ADHFE1: variants seen among roughly 807,000 people sequenced by gnomAD.
ADHFE1 encodes hydroxyacid-oxoacid transhydrogenase, mitochondrial.
A neutral mutation model predicts 54.8 loss-of-function variants in ADHFE1; 37 were observed. That is an observed-to-expected ratio of 0.68 (90% confidence interval 0.52 to 0.89). The LOEUF (loss-of-function observed/expected upper bound fraction) is 0.89, where lower values mean the gene tolerates loss of function less well. Among genes scored for constraint, ADHFE1 ranks in the 40% least tolerant of loss-of-function variants. ADHFE1 has a pLI of 0.00. For synonymous variants in ADHFE1, 203 were observed against 229.3 expected, an observed-to-expected ratio of 0.89 and a Z score of 1.04; for missense variants, 601 against 591.2, an observed-to-expected ratio of 1.02 and a Z score of -0.17.
At chr8:66,455,855 G>T (rs919111454) in intron 10 of ADHFE1, among the ~76,000 whole-genome samples, 1 of 152,156 alleles carries the variant, frequency 6.6e-6, no homozygotes. Flanking sequence ...CAGGAGGATC[G>T]CTTAAGCCAG....
chr8:66,456,861 A>C lies in ADHFE1; in HGVS notation c.1031A>C (p.Lys344Thr). The change falls in exon 11 of 14, where the codon AAA becomes ACA. Residue 344 changes from lysine (K) to threonine (T), a missense_variant. By Grantham distance (78) the Lys-to-Thr change is moderately conservative. Transcript: ENST00000396623. ...YPISGLVKMY[K>T]AKDYNVDHPL... Reference sequence around the variant, plus strand: ...ATTTCAGGTTTAGTGAAGATGTATAAAGCAAAGGATTACAATGTGGATCAC... The same window carrying C: ...ATTTCAGGTTTAGTGAAGATGTATACAGCAAAGGATTACAATGTGGATCAC... The C allele has an allele frequency of 6.3e-7, 1 of 1,598,212 alleles. No individual in the cohort carries two copies. The highest frequency in any genetic ancestry group is 1.7e-4 in the Middle Eastern group (1 of 5,978).
At chr8:66,466,324 G>A (rs1334663637) in intron 13 of ADHFE1, among the ~76,000 whole-genome samples, 3 of 149,664 alleles carry the variant, frequency 2.0e-5, no homozygotes, top group Non-Finnish European at 3.0e-5. Flanking sequence ...GACCTCAAGT[G>A]ATCCGCCTGC....
chr8:66,464,640 A>G (rs565488511), intron 13 of ADHFE1, among the ~76,000 whole-genome samples: 108 of 152,042 alleles, frequency 7.1e-4, no homozygotes, highest in African/African-American at 2.6e-3. Flanking sequence ...ATTGTCCCTC[A>G]CCCCTCTCTC....
chr8:66,455,476 G>A (rs567002875), intron 10 of ADHFE1, among the ~76,000 whole-genome samples: 66 of 152,332 alleles, frequency 4.3e-4, no homozygotes, highest in Non-Finnish European at 7.9e-4. Context: ...GTGAGCGCAA[G>A]GAATGATCAG....
intron 1 of ADHFE1, among the ~76,000 whole-genome samples, chr8:66,438,042 A>G (rs2130346955): frequency 6.6e-6 from 1 of 152,298 alleles, no homozygotes; most frequent in African/African-American, 2.4e-5. Context: ...CCAGAGATGG[A>G]GTGAGTTGAG....
intron 4 of ADHFE1, 39 bp downstream of exon 4, chr8:66,444,459 G>A (rs1172661198): frequency 1.9e-6 from 3 of 1,610,822 alleles, no homozygotes. Context: ...TACTGTAAAT[G>A]TTACATATCT....
At chr8:66,456,038 G>A (rs945697545) in intron 10 of ADHFE1, among the ~76,000 whole-genome samples, 2 of 152,078 alleles carry the variant, frequency 1.3e-5, no homozygotes, top group African/African-American at 4.8e-5. Flanking sequence ...TAAGCGTGGT[G>A]GCTGGATCCT....
Position 66,448,927 on chromosome 8 carries a change from A to G in ADHFE1, c.691A>G (p.Met231Val), listed in dbSNP as rs766462372. 8 of 1,613,958 alleles carry G rather than the reference A, an allele frequency of 5.0e-6. No individual in the cohort carries two copies. The highest frequency in any genetic ancestry group is 6.8e-6 in the Non-Finnish European group (8 of 1,180,030). Residue 231 changes from methionine (M) to valine (V), a missense_variant, in exon 8 of 14, where the codon ATG (methionine) becomes GTG (valine). By Grantham distance (21) the Met-to-Val change is conservative. Coordinates refer to ENST00000396623, the MANE Select transcript of ADHFE1 (RefSeq NM_144650.3). ...GLIDPLHTLH[M>V]PARVVANSGF... is the part of the protein sequence containing the mutation. ...GATTGATCCTCTGCACACCCTCCAC[A>G]TGCCTGCCCGAGTGGTCGCCAACAG...
chr8:66,439,541 G>A lies in ADHFE1; in HGVS notation c.60-621G>A. ...CGGTGGCGACCTCGGAGCGCACCGG[G>A]TGTGCGCGCAGCTGGGGCCTCTGGG... is the stretch of plus-strand genomic sequence containing the variant. On this transcript the variant is annotated intron_variant, in intron 1 of 13. Transcript: ENST00000396623. The surrounding 1 kb of genome is among the most constrained non-coding windows in gnomAD (Gnocchi z 4.4). The A allele has an allele frequency of 2.0e-6, 2 of 985,734 alleles. No individual in the cohort carries two copies. The highest frequency in any genetic ancestry group is 2.4e-6 in the Non-Finnish European group (2 of 830,178). The allele number at this position is 985,734 out of a possible 1,614,324, so 61.1% of individuals were successfully genotyped here. A position where few individuals can be genotyped will look rare whatever the true frequency, so the allele number is the denominator to read the frequency against.
chr8:66,446,705 CACAT>C (rs1212927488), intron 6 of ADHFE1, among the ~76,000 whole-genome samples: 1 of 152,170 alleles, frequency 6.6e-6, no homozygotes, highest in Non-Finnish European at 1.5e-5. Context: ...TTAATGCAGA[CACAT>C]ACATGCATAT....
chr8:66,444,226 C>T (rs1372470277), intron 3 of ADHFE1, 141 bp from the exon 4 acceptor site: 2 of 697,070 alleles, frequency 2.9e-6, no homozygotes, highest in Non-Finnish European at 4.9e-6. Context: ...TAAGTGAGAC[C>T]AGGTGGGAGA....
intron 13 of ADHFE1, 56 bp from the exon 14 acceptor site, chr8:66,468,213 C>G: frequency 7.3e-7 from 1 of 1,370,408 alleles, no homozygotes; most frequent in Non-Finnish European, 1.0e-6. Context: ...AACTTTGTAG[C>G]TTTTACAAAC....
intron 7 of ADHFE1, 128 bp from the exon 8 acceptor site, chr8:66,448,737 C>A: frequency 1.2e-6 from 1 of 858,584 alleles, no homozygotes; most frequent in Non-Finnish European, 1.8e-6. Flanking sequence ...CTCCTTACTG[C>A]CTCACTACAT....
intron 1 of ADHFE1, 78 bp downstream of exon 1, chr8:66,432,653 T>C (rs984867622): frequency 1.4e-5 from 18 of 1,242,704 alleles, no homozygotes; most frequent in Non-Finnish European, 1.7e-5. Context: ...GCTCAGATCC[T>C]GCGCAGTCTT....
chr8:66,455,959 A>G (rs985481432), intron 10 of ADHFE1, among the ~76,000 whole-genome samples: 5 of 152,048 alleles, frequency 3.3e-5, no homozygotes, highest in Non-Finnish European at 5.9e-5. Flanking sequence ...AAACAACAAC[A>G]ACAAAAAAAA....
At chr8:66,432,733 C>T in intron 1 of ADHFE1, 158 bp downstream of exon 1, 2 of 1,232,606 alleles carry the variant, frequency 1.6e-6, no homozygotes, top group Non-Finnish European at 2.0e-6. Context: ...CCAGGCGGAA[C>T]AGCGAGGTCA....
chr8:66,453,810 G>T, intron 9 of ADHFE1: 1 of 1,453,890 alleles, frequency 6.9e-7, no homozygotes, highest in Non-Finnish European at 9.3e-7. Context: ...GCCTCCCCCG[G>T]CGCTTTTACA....
chr8:66,436,047 C>G (rs1003704400), intron 1 of ADHFE1, among the ~76,000 whole-genome samples: 1 of 151,282 alleles, frequency 6.6e-6, no homozygotes, highest in African/African-American at 2.4e-5. Context: ...TGCTGAGTAG[C>G]TGGGATTACA....
chr8:66,468,015 TC>T (rs1169935427), intron 13 of ADHFE1, among the ~76,000 whole-genome samples: 1 of 152,174 alleles, frequency 6.6e-6, no homozygotes, highest in African/African-American at 2.4e-5. Flanking sequence ...AAGATTGGTT[TC>T]GGCAGAAGGC....
Sources: gnomAD v4.1 joint callset for allele counts (sites outside exome capture counted in the v4.1 genomes callset) on GRCh38, gnomAD v4.1.1 for gene constraint, Gnocchi (gnomAD v3.1) non-coding constraint, MANE v1.5 for transcripts, NCBI Gene and HGNC (gene_info 2026-07-23, HGNC 2026-07-21) for gene names.